The following CAMTA1 variants were observed in gnomAD, a reference collection of about 807,000 sequenced individuals.
The protein encoded by CAMTA1 is calmodulin-binding transcription activator 1.
CAMTA1 carries 27 observed loss-of-function variants against 170.9 expected under a neutral mutation model. The ratio of observed to expected loss-of-function variants is 0.16; its 90% confidence interval spans 0.12 to 0.22. CAMTA1 has a LOEUF of 0.22. Among genes scored for constraint, CAMTA1 ranks in the 10% least tolerant of loss-of-function variants. The pLI is 1.00. For missense variants in CAMTA1, 1,619 were observed against 2,217.2 expected (o/e 0.73, Z 5.42); for synonymous variants, 833 against 891.5 (o/e 0.93, Z 1.17).
In CAMTA1 at chr1:6,817,898, G is replaced by T. The variant is rs573423134; in HGVS notation, c.46-2283G>T. Among the ~76,000 whole-genome samples the T allele has an allele frequency of 5.3e-5, 8 of 152,294 alleles. No homozygotes were observed. In the South Asian group the frequency reaches 1.7e-3, roughly 32 times the overall value. Reference sequence around the variant, plus strand: ...AATTAAGGAGCTCATGGTTATCCTGGTAGCTAGGAGTCACATTATAGAGAA... The same window carrying T: ...AATTAAGGAGCTCATGGTTATCCTGTTAGCTAGGAGTCACATTATAGAGAA... On this transcript the variant is annotated intron_variant, in intron 1 of 22. Coordinates refer to ENST00000303635, the MANE Select transcript of CAMTA1 (RefSeq NM_015215.4).
rs191836561 is a variant in CAMTA1, at chr1:7,049,601, G to T, written c.235-41703G>T. 3.6e-3 allele frequency among the ~76,000 whole-genome samples: 551 copies of T among 151,972 alleles called. 4 individuals carry two copies. The highest frequency in any genetic ancestry group is 0.017 in the Middle Eastern group (5 of 294). On this transcript the variant is annotated intron_variant, in intron 3 of 22. Transcript: ENST00000303635. ...CCTCCTGAGTAGCTGGGATTATAGG[G>T]GCCCACCACCACACCCAGCTAATTT...
intron 3 of CAMTA1, among the ~76,000 whole-genome samples, chr1:7,026,352 G>GC (rs369033039): frequency 6.5e-4 from 99 of 152,210 alleles, no homozygotes; most frequent in Admixed American, 2.1e-3. Flanking sequence ...TATGTCCAGG[G>GC]GGGGAGTCAT....
In CAMTA1 at chr1:7,591,990, G is replaced by A. The variant is rs112480905; in HGVS notation, c.511-48410G>A. 5.5e-3 allele frequency among the ~76,000 whole-genome samples: 843 copies of A among 152,214 alleles called. 9 individuals are homozygous for A. The highest frequency in any genetic ancestry group is 0.02 in the African/African-American group (812 of 41,530). On this transcript the variant is annotated intron_variant, in intron 6 of 22. Transcript: ENST00000303635. Reference sequence around the variant, plus strand: ...CTCAGCTCACTGCAACCTCCGCCTTGTGGGTTCAAGTGATTCTCCTGCCTC... The same window carrying A: ...CTCAGCTCACTGCAACCTCCGCCTTATGGGTTCAAGTGATTCTCCTGCCTC...
In CAMTA1 at chr1:7,570,529, G is replaced by C. The variant is rs1033105413; in HGVS notation, c.511-69871G>C. 6.6e-6 allele frequency among the ~76,000 whole-genome samples: 1 copy of C among 152,240 alleles called. No individual in the cohort carries two copies. The highest frequency in any genetic ancestry group is 1.5e-5 in the Non-Finnish European group (1 of 68,048). ...ATGGGCCCCAGCCAGAGACCTGGAGGCTGTTCTGCTATCAACTTTTAATTA... is the reference window on the plus strand; with the variant it reads ...ATGGGCCCCAGCCAGAGACCTGGAGCCTGTTCTGCTATCAACTTTTAATTA... On this transcript the variant is annotated intron_variant, in intron 6 of 22. Transcript: ENST00000303635. The surrounding 1 kb of genome is among the most constrained non-coding windows in gnomAD (Gnocchi z 4.3).
At chr1:7,402,916 G>A (rs845201) in intron 5 of CAMTA1, among the ~76,000 whole-genome samples, 93,877 of 152,126 alleles carry the variant, frequency 0.62, 30,624 homozygotes, top group Middle Eastern at 0.73. Context: ...TGGGGCACGC[G>A]GGACTCGCAT....
chr1:7,726,710 A>G (rs1372912683), intron 11 of CAMTA1, among the ~76,000 whole-genome samples: 2 of 152,202 alleles, frequency 1.3e-5, no homozygotes, highest in Non-Finnish European at 2.9e-5. Context: ...TGCAGCAAAT[A>G]TAGAGTGCCT....
Position 7,695,134 on chromosome 1 carries a change from G to A in CAMTA1, c.2914+17401G>A, listed in dbSNP as rs149056127. ...CGGTAGATAGCTCTGTACAGGGCCT[G>A]CACAGAGGTGCTTTGGAGCCAGCCC... On this transcript the variant is annotated intron_variant, in intron 11 of 22. Transcript: ENST00000303635. 7.3e-3 allele frequency among the ~76,000 whole-genome samples: 1,114 copies of A among 152,296 alleles called. 14 individuals are homozygous for A. The highest frequency in any genetic ancestry group is 0.025 in the African/African-American group (1,021 of 41,572).
Position 7,513,433 on chromosome 1 carries a change from G to A in CAMTA1, c.510+45532G>A, listed in dbSNP as rs796609856. ...GGCAGCTTAAACAACAGAATCTACCGCCTCTTAGCTCTGGAGGCCAGAGTC... is the reference window on the plus strand; with the variant it reads ...GGCAGCTTAAACAACAGAATCTACCACCTCTTAGCTCTGGAGGCCAGAGTC... On this transcript the variant is annotated intron_variant, in intron 6 of 22. Transcript: ENST00000303635. 1.1e-4 allele frequency among the ~76,000 whole-genome samples: 16 copies of A among 152,226 alleles called. 1 individual carries two copies. The highest frequency in any genetic ancestry group is 3.6e-4 in the African/African-American group (15 of 41,528).
intron 6 of CAMTA1, among the ~76,000 whole-genome samples, chr1:7,569,580 C>T (rs186804487): frequency 7.0e-4 from 106 of 151,914 alleles, no homozygotes; most frequent in African/African-American, 2.5e-3. Flanking sequence ...TTCATCATCA[C>T]ATCACCATCA....
At chr1:6,840,337 A>G (rs1655167654) in intron 3 of CAMTA1, among the ~76,000 whole-genome samples, 1 of 150,216 alleles carries the variant, frequency 6.7e-6, no homozygotes, top group African/African-American at 2.5e-5. Flanking sequence ...CAGGGGAAGC[A>G]GAGAGACCAG....
intron 6 of CAMTA1, among the ~76,000 whole-genome samples, chr1:7,496,647 T>A (rs972729098): frequency 1.3e-5 from 2 of 151,910 alleles, no homozygotes; most frequent in Admixed American, 6.5e-5. Context: ...AATTAAAAAG[T>A]GGTTACTTCA....
rs574808039 is a variant in CAMTA1, at chr1:7,054,690, T to A, written c.235-36614T>A. On this transcript the variant is annotated intron_variant, in intron 3 of 22. Coordinates refer to ENST00000303635, the MANE Select transcript of CAMTA1 (RefSeq NM_015215.4). ...ACCTTGGAGTCGGGCTGTGCCACACTTGAGTTACACGGACACCACTTCCGG... is the reference window on the plus strand; with the variant it reads ...ACCTTGGAGTCGGGCTGTGCCACACATGAGTTACACGGACACCACTTCCGG... Among the ~76,000 whole-genome samples the A allele has an allele frequency of 4.9e-4, 75 of 152,254 alleles. 2 individuals carry two copies. In the South Asian group the frequency reaches 1.0e-2, roughly 20 times the overall value.
intron 6 of CAMTA1, among the ~76,000 whole-genome samples, chr1:7,475,481 A>G (rs1005937234): frequency 6.6e-6 from 1 of 152,174 alleles, no homozygotes; most frequent in African/African-American, 2.4e-5. Context: ...CTCAGCAGGG[A>G]GGGGAAGGTG....
chr1:7,142,376 T>G (rs1645937869), intron 4 of CAMTA1, among the ~76,000 whole-genome samples: 2 of 152,192 alleles, frequency 1.3e-5, no homozygotes, highest in South Asian at 4.1e-4. Context: ...GTCCACGAAC[T>G]GCAATGATGG....
At chr1:7,474,911 T>G (rs1296454070) in intron 6 of CAMTA1, among the ~76,000 whole-genome samples, 1 of 152,208 alleles carries the variant, frequency 6.6e-6, no homozygotes, top group South Asian at 2.1e-4. Context: ...CAGGAAGGAC[T>G]GCCCTGGCGG....
chr1:6,902,603 A>G (rs1430782175), intron 3 of CAMTA1, among the ~76,000 whole-genome samples: 1 of 152,282 alleles, frequency 6.6e-6, no homozygotes, highest in South Asian at 2.1e-4. Flanking sequence ...AATTTTCTGT[A>G]TGGTGTTTGT....
rs1277466160 is a variant in CAMTA1, at chr1:7,435,377, A to C, written c.439-32453A>C. Among the ~76,000 whole-genome samples the C allele has an allele frequency of 6.6e-6, 1 of 152,228 alleles. No individual in the cohort carries two copies. Among genetic ancestry groups the C allele is most frequent in the East Asian group, 1.9e-4 (1 of 5,180 alleles). On this transcript the variant is annotated intron_variant, in intron 5 of 22. Coordinates refer to ENST00000303635, the MANE Select transcript of CAMTA1 (RefSeq NM_015215.4). The surrounding 1 kb of genome is among the most constrained non-coding windows in gnomAD (Gnocchi z 4.4). The stretch of plus-strand genomic sequence containing the variant: ...CTAAAGCCCAGAATCCCAGAACTCC[A>C]GAATTCCAAGTTTGGGACTCCTGTA...
chr1:7,185,641 A>G (rs368985121), intron 4 of CAMTA1, among the ~76,000 whole-genome samples: 1 of 152,218 alleles, frequency 6.6e-6, no homozygotes, highest in Non-Finnish European at 1.5e-5. Flanking sequence ...ACCTGAATCA[A>G]GTGATCAAAA....
chr1:7,124,692 G>C (rs1026591349), intron 4 of CAMTA1, among the ~76,000 whole-genome samples: 2 of 152,232 alleles, frequency 1.3e-5, no homozygotes, highest in Non-Finnish European at 2.9e-5. Flanking sequence ...TGAAGTTTAG[G>C]GTCATGGGTC....
Sources: gnomAD v4.1 joint callset for allele counts (sites outside exome capture counted in the v4.1 genomes callset) on GRCh38, gnomAD v4.1.1 for gene constraint, Gnocchi (gnomAD v3.1) non-coding constraint, MANE v1.5 for transcripts, NCBI Gene and HGNC (gene_info 2026-07-23, HGNC 2026-07-21) for gene names.